TMEM108: variants seen among roughly 807,000 people sequenced by gnomAD.
The protein encoded by TMEM108 is cancer/testis antigen 124.
Under a neutral mutation model 35.1 loss-of-function variants are expected in TMEM108, and 12 were observed. The observed-to-expected ratio is 0.34, with a 90% CI of 0.22 to 0.55. The LOEUF (loss-of-function observed/expected upper bound fraction) is 0.55. Among genes scored for constraint, TMEM108 ranks in the 20% least tolerant of loss-of-function variants. The pLI is 0.89. For missense variants in TMEM108, 680 were observed against 753.3 expected (o/e 0.90, Z 1.14); for synonymous variants, 287 against 308.6 (o/e 0.93, Z 0.73).
At chr3:133,231,008 G>C (rs1199307595) in intron 3 of TMEM108, among the ~76,000 whole-genome samples, 1 of 152,158 alleles carries the variant, frequency 6.6e-6, no homozygotes, top group African/African-American at 2.4e-5. Flanking sequence ...GAGGTAGGTA[G>C]TGGCCCTCAC....
intron 3 of TMEM108, among the ~76,000 whole-genome samples, chr3:133,335,830 C>T (rs35012642): frequency 0.03 from 4,614 of 152,278 alleles, 103 homozygotes; most frequent in Non-Finnish European, 0.05. Context: ...TGCTGAATCA[C>T]CGATGGTACC....
At chr3:133,186,768 G>A (rs1410560838) in intron 2 of TMEM108, among the ~76,000 whole-genome samples, 1 of 152,204 alleles carries the variant, frequency 6.6e-6, no homozygotes. Flanking sequence ...GCTGGATGAT[G>A]CATGCTTTGA....
chr3:133,210,665 G>C (rs562700313), intron 2 of TMEM108, among the ~76,000 whole-genome samples: 1 of 152,170 alleles, frequency 6.6e-6, no homozygotes, highest in East Asian at 1.9e-4. Context: ...GCTTCCTGGA[G>C]CAAGACATAA....
chr3:133,139,908 G>A (rs528193188), intron 2 of TMEM108, among the ~76,000 whole-genome samples: 176 of 152,262 alleles, frequency 1.2e-3, no homozygotes, highest in African/African-American at 4.2e-3. Context: ...TGAGCTGCCA[G>A]CCCACATAGT....
At chr3:133,055,715 A>G (rs1333965730) in intron 2 of TMEM108, among the ~76,000 whole-genome samples, 1 of 152,162 alleles carries the variant, frequency 6.6e-6, no homozygotes, top group African/African-American at 2.4e-5. Context: ...CAAACAAGCA[A>G]AGCTGTGGCT....
chr3:133,093,803 A>T (rs1022011280), intron 2 of TMEM108, among the ~76,000 whole-genome samples: 1 of 152,326 alleles, frequency 6.6e-6, no homozygotes, highest in East Asian at 1.9e-4. Context: ...TTAGGTCAGT[A>T]TATCTTTCTG....
chr3:133,365,732 G>C (rs553619187), intron 3 of TMEM108, among the ~76,000 whole-genome samples: 4 of 152,230 alleles, frequency 2.6e-5, no homozygotes, highest in East Asian at 1.9e-4. Flanking sequence ...ATTTTCTTGG[G>C]CTCAACTCAG....
chr3:133,212,680 A>C (rs1181989769), intron 2 of TMEM108, among the ~76,000 whole-genome samples: 1 of 152,064 alleles, frequency 6.6e-6, no homozygotes, highest in Non-Finnish European at 1.5e-5. Context: ...CAGCTTGGGC[A>C]ACATGGCGAA....
At chr3:133,307,747 C>A (rs2071063690) in intron 3 of TMEM108, among the ~76,000 whole-genome samples, 1 of 152,084 alleles carries the variant, frequency 6.6e-6, no homozygotes, top group Non-Finnish European at 1.5e-5. Flanking sequence ...GTTTTGGTAC[C>A]AGTACTATAC....
intron 2 of TMEM108, among the ~76,000 whole-genome samples, chr3:133,078,211 G>A (rs1943768471): frequency 6.7e-6 from 1 of 150,222 alleles, no homozygotes; most frequent in Non-Finnish European, 1.5e-5. Flanking sequence ...TTTGTTTTTA[G>A]TGACTCACAT....
In TMEM108 at chr3:133,380,130, C is replaced by A; in HGVS notation, c.419C>A (p.Thr140Asn). Residue 140 changes from threonine to asparagine, a missense_variant, in exon 4 of 6, where the codon ACC becomes AAC. Coordinates refer to ENST00000321871, the MANE Select transcript of TMEM108 (RefSeq NM_023943.4). This position sits in a 1 kb window ranked among gnomAD's most constrained non-coding sequence, Gnocchi z 5.3. The part of the protein sequence containing the change: ...EGRPRGQAAP[T>N]ILLTKPPGAT... Reference sequence around the variant, plus strand: ...CGCCCTCGAGGGCAGGCTGCCCCCACCATCCTGCTGACAAAGCCACCGGGG... The same window carrying A: ...CGCCCTCGAGGGCAGGCTGCCCCCAACATCCTGCTGACAAAGCCACCGGGG... The A allele has an allele frequency of 6.2e-7, 1 of 1,613,852 alleles. No homozygotes were observed. Among genetic ancestry groups the A allele is most frequent in the Non-Finnish European group, 8.5e-7 (1 of 1,179,944 alleles).
At chr3:133,386,652 C>T in intron 4 of TMEM108, 2 of 1,414,278 alleles carry the variant, frequency 1.4e-6, no homozygotes, top group Non-Finnish European at 1.8e-6. Context: ...TGGCTACTGC[C>T]TCAGGAGAAA....
chr3:133,234,760 GC>G (rs1422751243), intron 3 of TMEM108, among the ~76,000 whole-genome samples: 1 of 152,066 alleles, frequency 6.6e-6, no homozygotes, highest in Admixed American at 6.5e-5. Flanking sequence ...GGGCAATTAG[GC>G]AGGAGAAGGA....
At position 133,258,315 on chromosome 3, in the gene TMEM108, G is replaced by A. The variant is rs761314430; in HGVS notation, c.40+28964G>A. On this transcript the variant is annotated intron_variant, in intron 3 of 5. Coordinates refer to ENST00000321871, the MANE Select transcript of TMEM108 (RefSeq NM_023943.4). ...AAACTATGAGAAGTAAATTGCTGTT[G>A]TTTGGTATTTTATTATAGCAGCCCT... Among the ~76,000 whole-genome samples the A allele has an allele frequency of 9.2e-5, 14 of 152,122 alleles. 1 individual carries two copies. Among genetic ancestry groups the A allele is most frequent in the South Asian group, 4.2e-4 (2 of 4,818 alleles).
chr3:133,123,146 A>T (rs187095485), intron 2 of TMEM108, among the ~76,000 whole-genome samples: 3 of 152,346 alleles, frequency 2.0e-5, no homozygotes, highest in African/African-American at 7.2e-5. Context: ...TACCTTAGAC[A>T]TCTGTTCACA....
At chr3:133,124,392 AAGG>A (rs1413710153) in intron 2 of TMEM108, among the ~76,000 whole-genome samples, 7 of 152,204 alleles carry the variant, frequency 4.6e-5, no homozygotes, top group Non-Finnish European at 5.9e-5. Flanking sequence ...GCTGAAGATG[AAGG>A]AGATTTGAGG....
rs76502651 is a variant in TMEM108 at position 133,081,623 on chromosome 3, A to G, written c.-47+35603A>G. ...AATAAAATTCACATTTCTTTGCATA[A>G]CACTTGTAACTCTGACTCTTATTTA... On this transcript the variant is annotated intron_variant, in intron 2 of 5. Coordinates refer to ENST00000321871, the MANE Select transcript of TMEM108 (RefSeq NM_023943.4). 5.1e-3 allele frequency among the ~76,000 whole-genome samples: 776 copies of G among 152,298 alleles called. 6 individuals are homozygous for G. Among genetic ancestry groups the G allele is most frequent in the African/African-American group, 0.017 (700 of 41,572 alleles).
intron 3 of TMEM108, chr3:133,248,254 C>T (rs1946415261): frequency 6.6e-6 from 1 of 151,962 alleles, no homozygotes. Context: ...TTGACTCATC[C>T]TGACAAGCCT....
At chr3:133,301,421 G>GA (rs1947223569) in intron 3 of TMEM108, among the ~76,000 whole-genome samples, 1 of 152,138 alleles carries the variant, frequency 6.6e-6, no homozygotes, top group Non-Finnish European at 1.5e-5. Context: ...CACAGTTCAG[G>GA]AATGAACTGT....
Sources: allele counts gnomAD v4.1 joint callset (sites outside exome capture counted in the v4.1 genomes callset), GRCh38; gene constraint gnomAD v4.1.1; non-coding constraint Gnocchi (gnomAD v3.1); transcripts MANE v1.5; gene names NCBI Gene and HGNC (gene_info 2026-07-23, HGNC 2026-07-21).